CLIP1: variants seen among roughly 807,000 people sequenced by gnomAD.
The protein encoded by CLIP1 is CAP-Gly domain-containing linker protein 1.
In CLIP1, 66 loss-of-function variants were observed where a neutral mutation model predicts 161.6. The ratio of observed to expected loss-of-function variants is 0.41; its 90% CI spans 0.33 to 0.50. The LOEUF (loss-of-function observed/expected upper bound fraction) is 0.50. Ranked by LOEUF, CLIP1 falls within the 20% of genes least tolerant of loss-of-function variation. The pLI is 0.27. For missense variants in CLIP1, 1,376 were observed against 1,702.0 expected (o/e 0.81, Z 3.37); for synonymous variants, 598 against 626.2 (o/e 0.96, Z 0.67).
chr12:122,413,078 T>G (rs1162840626), intron 1 of CLIP1, among the ~76,000 whole-genome samples: 3 of 152,148 alleles, frequency 2.0e-5, no homozygotes, highest in Admixed American at 2.0e-4. Flanking sequence ...GCTTATAAAG[T>G]TTATTTACGG....
intron 17 of CLIP1, chr12:122,322,710 C>T (rs913711896): frequency 5.2e-5 from 8 of 152,736 alleles, no homozygotes; most frequent in East Asian, 1.9e-4. Flanking sequence ...AAGGATGACT[C>T]GCTCTCCTTT....
chr12:122,336,042 G>A (rs1381654961), intron 12 of CLIP1, among the ~76,000 whole-genome samples: 1 of 151,968 alleles, frequency 6.6e-6, no homozygotes, highest in Non-Finnish European at 1.5e-5. Context: ...CAGTGCAGGA[G>A]GCAAGTAGGA....
chr12:122,408,245 AAG>A (rs1956401821), intron 1 of CLIP1, among the ~76,000 whole-genome samples: 1 of 151,916 alleles, frequency 6.6e-6, no homozygotes, highest in African/African-American at 2.4e-5. Context: ...AAAAAAAAAA[AAG>A]GTTCTTGTTT....
At chr12:122,416,111 G>A (rs111768857) in intron 1 of CLIP1, among the ~76,000 whole-genome samples, 65 of 151,732 alleles carry the variant, frequency 4.3e-4, no homozygotes, top group African/African-American at 1.2e-3. Flanking sequence ...GGTGGCAGGC[G>A]CCTGTAATCC....
At chr12:122,306,422 C>A (rs1950876544) in intron 20 of CLIP1, among the ~76,000 whole-genome samples, 1 of 152,170 alleles carries the variant, frequency 6.6e-6, no homozygotes, top group African/African-American at 2.4e-5. Flanking sequence ...AACTGGGGCC[C>A]TGGCTAAAAA....
intron 1 of CLIP1, among the ~76,000 whole-genome samples, chr12:122,401,370 A>G (rs963135022): frequency 1.4e-4 from 22 of 152,318 alleles, no homozygotes; most frequent in African/African-American, 5.3e-4. Flanking sequence ...ATTATTAATG[A>G]ACAAATTAAT....
chr12:122,388,282 C>T (rs560640311), intron 1 of CLIP1, among the ~76,000 whole-genome samples: 12 of 151,816 alleles, frequency 7.9e-5, no homozygotes, highest in South Asian at 2.1e-4. Context: ...CGCAGTGGCG[C>T]GATCTCGGCT....
rs941339134 is a variant in CLIP1 at position 122,395,007 on chromosome 12, G to A, written c.-106-14449C>T. Among the ~76,000 whole-genome samples the A allele has an allele frequency of 1.4e-4, 22 of 152,256 alleles. No individual in the cohort carries two copies. In the Middle Eastern group the frequency reaches 0.01, roughly 71 times the overall value. On this transcript the variant is annotated intron_variant, in intron 1 of 25. Transcript: ENST00000620786. ...GGCAAAATAATCAAAAACAGATGGT[G>A]ACAACTTCTCGATTGTGATGCATCT...
chr12:122,348,959 A>T (rs1222694577), intron 9 of CLIP1, among the ~76,000 whole-genome samples: 1 of 152,194 alleles, frequency 6.6e-6, no homozygotes, highest in Non-Finnish European at 1.5e-5. Flanking sequence ...CCAGGTATCG[A>T]CAAACCATGA....
At chr12:122,288,340 A>G in intron 21 of CLIP1, 149 bp downstream of exon 21, 1 of 679,066 alleles carries the variant, frequency 1.5e-6, no homozygotes. Context: ...ATGGATTTTC[A>G]TATTTTGTCA....
chr12:122,333,077 A>G lies in CLIP1; in HGVS notation c.2777T>C (p.Leu926Pro). 1 of 1,613,762 alleles carries G rather than the reference A, an allele frequency of 6.2e-7. No individual in the cohort carries two copies. Among genetic ancestry groups the G allele is most frequent in the Non-Finnish European group, 8.5e-7 (1 of 1,179,818 alleles). The change falls in exon 15 of 26, where the codon CTG (leucine) becomes CCG (proline). Residue 926 changes from leucine to proline, a missense_variant. By Grantham distance (98) the Leu-to-Pro change is moderately conservative (BLOSUM62 -3). Transcript: ENST00000620786. ...EEQLIKAKEK[L>P]ENDIAEIMKM... ...CATTATTTCTGCAATGTCATTTTCC[A>G]GTTTTTCCTTTGCCTTTATCAGCTG...
intron 20 of CLIP1, among the ~76,000 whole-genome samples, chr12:122,300,787 C>T (rs1950650435): frequency 6.6e-6 from 1 of 152,184 alleles, no homozygotes; most frequent in South Asian, 2.1e-4. Context: ...TTTTGTTAGT[C>T]ACATTCTCTC....
Position 122,273,019 on chromosome 12 carries a change from C to T in CLIP1, c.4173G>A (p.Glu1391=). Residue 1391 remains glutamate, a synonymous_variant, in exon 26 of 26, where the codon GAG becomes GAA. Coordinates refer to ENST00000620786, the MANE Select transcript of CLIP1 (RefSeq NM_001247997.2). ...ACATCTGTGCCTGGGTAGGACAATC[C>T]TCTGTGTCGTGGAGATCAAAGCAGT... ...ICDCFDLHDT[E]DCPTQAQMSE... is the part of the protein sequence containing the mutation. 1.9e-6 allele frequency: 3 copies of T among 1,614,160 alleles called. No homozygotes were observed. Among genetic ancestry groups the T allele is most frequent in the Non-Finnish European group, 2.5e-6 (3 of 1,180,028 alleles).
chr12:122,326,326 G>A (rs1951710198), intron 17 of CLIP1, among the ~76,000 whole-genome samples: 1 of 151,842 alleles, frequency 6.6e-6, no homozygotes, highest in Non-Finnish European at 1.5e-5. Flanking sequence ...GCTCACGCCT[G>A]CAACCCCAGC....
intron 20 of CLIP1, among the ~76,000 whole-genome samples, chr12:122,299,521 C>T (rs1950596386): frequency 6.9e-6 from 1 of 145,802 alleles, no homozygotes; most frequent in African/African-American, 2.7e-5. Context: ...TAGTGATTCC[C>T]TAAGTTGCAG....
At chr12:122,348,439 A>C (rs1057203952) in intron 9 of CLIP1, among the ~76,000 whole-genome samples, 1 of 152,194 alleles carries the variant, frequency 6.6e-6, no homozygotes, top group Non-Finnish European at 1.5e-5. Flanking sequence ...CTCAACACAA[A>C]GGCATGAGTT....
intron 1 of CLIP1, among the ~76,000 whole-genome samples, chr12:122,401,195 G>A (rs1268212308): frequency 6.6e-6 from 1 of 152,156 alleles, no homozygotes; most frequent in African/African-American, 2.4e-5. Context: ...ACAGACATGA[G>A]CCACCACGAC....
Position 122,311,451 on chromosome 12 carries a change from G to T in CLIP1, c.3474-1569C>A, listed in dbSNP as rs1951060221. On this transcript the variant is annotated intron_variant, in intron 19 of 25. Coordinates refer to ENST00000620786, the MANE Select transcript of CLIP1 (RefSeq NM_001247997.2). The surrounding 1 kb of genome is among the most constrained non-coding windows in gnomAD (Gnocchi z 4.3). ...ATTATTTTTTTTTTTTTGAGACAGA[G>T]TCTCGCTCTGTCGCCCAGGCTGGAG... is the stretch of plus-strand genomic sequence containing the variant. Among the ~76,000 whole-genome samples the T allele has an allele frequency of 6.6e-6, 1 of 151,300 alleles. No homozygotes were observed. The highest frequency in any genetic ancestry group is 1.5e-5 in the Non-Finnish European group (1 of 67,884).
Position 122,380,527 on chromosome 12 carries a change from G to T in CLIP1, c.-75C>A. On this transcript the variant is annotated 5_prime_UTR_variant, in exon 2 of 26. Transcript: ENST00000620786. ...TCCCCAACCATTGATACAACTGTGG[G>T]TTCTATAGTGAAGTCAGTCTCTGGA... The T allele has an allele frequency of 1.2e-6, 1 of 851,420 alleles. No individual in the cohort carries two copies. The highest frequency in any genetic ancestry group is 1.9e-6 in the Non-Finnish European group (1 of 530,312). 52.7% of individuals were successfully genotyped at this position (851,420 alleles called of 1,614,324 possible). A position where few individuals can be genotyped will look rare whatever the true frequency, so the allele number is the denominator to read the frequency against.
Sources: gnomAD v4.1 joint callset for allele counts (sites outside exome capture counted in the v4.1 genomes callset) on GRCh38, gnomAD v4.1.1 for gene constraint, Gnocchi (gnomAD v3.1) non-coding constraint, MANE v1.5 for transcripts, NCBI Gene and HGNC (gene_info 2026-07-23, HGNC 2026-07-21) for gene names.